The following FAM13A variants were observed in gnomAD, a reference collection of about 807,000 sequenced individuals.
The protein encoded by FAM13A is protein FAM13A.
Under a neutral mutation model 129.6 loss-of-function variants are expected in FAM13A, and 76 were observed. That is an observed-to-expected ratio of 0.59 (90% CI 0.49 to 0.71). The LOEUF (loss-of-function observed/expected upper bound fraction) is 0.71, where lower values mean the gene tolerates loss of function less well. FAM13A is among the 30% of genes least tolerant of loss of function. The pLI, the probability that FAM13A is intolerant of heterozygous loss-of-function variation, is 0.00. For missense variants in FAM13A, 1,108 were observed against 1,249.3 expected (o/e 0.89, Z 1.70); for synonymous variants, 443 against 449.9 (o/e 0.98, Z 0.20).
intron 1 of FAM13A, among the ~76,000 whole-genome samples, chr4:89,030,965 A>C (rs546155311): frequency 4.0e-4 from 61 of 152,272 alleles, no homozygotes; most frequent in African/African-American, 1.4e-3. Flanking sequence ...TTTGAAAGCC[A>C]TATTTCTCCA....
rs1560817128 is a variant in FAM13A, at chr4:88,728,490, ACT to A, written c.*41_*42del. 6 of 1,612,338 alleles carry A rather than the reference ACT, an allele frequency of 3.7e-6. No homozygotes were observed. In the Middle Eastern group the frequency reaches 5.6e-4, roughly 152 times the overall value. On this transcript the variant is annotated 3_prime_UTR_variant, in exon 24 of 24. Coordinates refer to ENST00000264344, the MANE Select transcript of FAM13A (RefSeq NM_014883.4). ...GCTGCACTTTCTCTGGGGACAGTAA[ACT>A]CTCACCGCAGCTGCCAGCCCCCTGT...
intron 4 of FAM13A, among the ~76,000 whole-genome samples, chr4:88,984,429 C>T (rs766641220): frequency 1.8e-4 from 28 of 152,022 alleles, no homozygotes; most frequent in Non-Finnish European, 3.8e-4. Flanking sequence ...ATATAAACAA[C>T]TCTTATAACT....
intron 5 of FAM13A, among the ~76,000 whole-genome samples, chr4:88,912,132 G>A (rs957137359): frequency 2.0e-5 from 3 of 152,212 alleles, no homozygotes; most frequent in African/African-American, 7.2e-5. Context: ...ACTAAATGAA[G>A]AGATGTCCAA....
intron 6 of FAM13A, among the ~76,000 whole-genome samples, chr4:88,897,999 T>C (rs529018623): frequency 6.6e-6 from 1 of 152,248 alleles, no homozygotes; most frequent in African/African-American, 2.4e-5. Flanking sequence ...AAGTAATTTC[T>C]CTATGGAATT....
chr4:88,825,014 T>C (rs889819798), intron 7 of FAM13A, among the ~76,000 whole-genome samples: 2 of 152,072 alleles, frequency 1.3e-5, no homozygotes, highest in African/African-American at 4.8e-5. Context: ...AAATAGCTGC[T>C]TGAGGTAGAA....
intron 6 of FAM13A, among the ~76,000 whole-genome samples, chr4:88,863,103 G>A (rs1739777996): frequency 6.6e-6 from 1 of 151,988 alleles, no homozygotes; most frequent in African/African-American, 2.4e-5. Context: ...ATATTAATGA[G>A]ATGATTTGAG....
At chr4:89,028,855 A>C (rs1327415512) in intron 2 of FAM13A, among the ~76,000 whole-genome samples, 1 of 152,184 alleles carries the variant, frequency 6.6e-6, no homozygotes, top group Non-Finnish European at 1.5e-5. Context: ...GAAATCATCA[A>C]AAAGCTGTGG....
chr4:89,029,781 A>T (rs1382161316), intron 1 of FAM13A, 132 bp from the exon 2 acceptor site: 2 of 752,480 alleles, frequency 2.7e-6, no homozygotes, highest in Non-Finnish European at 4.4e-6. Context: ...CTTCAACTCA[A>T]ATCAAAATCT....
At chr4:88,858,932 T>C (rs1358490221) in intron 6 of FAM13A, among the ~76,000 whole-genome samples, 1 of 152,222 alleles carries the variant, frequency 6.6e-6, no homozygotes, top group African/African-American at 2.4e-5. Flanking sequence ...AGATCAAGTG[T>C]GTCAAATGCC....
At chr4:88,965,903 G>A (rs1226980739) in intron 4 of FAM13A, among the ~76,000 whole-genome samples, 2 of 151,142 alleles carry the variant, frequency 1.3e-5, no homozygotes, top group South Asian at 2.1e-4. Context: ...TCCTTTTTGA[G>A]GCTGAATAAT....
intron 3 of FAM13A, among the ~76,000 whole-genome samples, chr4:89,017,122 G>A (rs1039313453): frequency 6.6e-6 from 1 of 152,114 alleles, no homozygotes; most frequent in Non-Finnish European, 1.5e-5. Context: ...ACTGTATGAT[G>A]TTCACACAAC....
intron 7 of FAM13A, among the ~76,000 whole-genome samples, chr4:88,830,894 A>C (rs1003905587): frequency 1.3e-5 from 2 of 152,198 alleles, no homozygotes; most frequent in African/African-American, 4.8e-5. Context: ...AACATTCCCC[A>C]AAAAGATTAA....
chr4:88,941,264 G>T (rs376953991), intron 4 of FAM13A, among the ~76,000 whole-genome samples: 4 of 152,332 alleles, frequency 2.6e-5, no homozygotes, highest in East Asian at 3.9e-4. Context: ...AGGAGCTTCA[G>T]TTGGAATGAA....
intron 7 of FAM13A, among the ~76,000 whole-genome samples, chr4:88,840,722 T>G (rs1216144712): frequency 6.6e-6 from 1 of 152,178 alleles, no homozygotes; most frequent in East Asian, 1.9e-4. Flanking sequence ...ACTGTGCTAT[T>G]ATATTTTGTA....
Position 89,027,090 on chromosome 4 carries a change from G to A in FAM13A, c.217+2370C>T, listed in dbSNP as rs564903455. Reference sequence around the variant, plus strand: ...ATATGTTCCAAGACTGCCAGTGGATGCCTGAAACCTTGGATAGTACCAAAC... The same window carrying A: ...ATATGTTCCAAGACTGCCAGTGGATACCTGAAACCTTGGATAGTACCAAAC... On this transcript the variant is annotated intron_variant, in intron 2 of 23. Coordinates refer to ENST00000264344, the MANE Select transcript of FAM13A (RefSeq NM_014883.4). Among the ~76,000 whole-genome samples the A allele has an allele frequency of 3.3e-5, 5 of 152,322 alleles. No homozygotes were observed. In the South Asian group the frequency reaches 1.0e-3, roughly 32 times the overall value.
rs1465889376 is a variant in FAM13A at position 88,726,253 on chromosome 4, A to G, written c.*2280T>C. The G allele has an allele frequency of 6.6e-6, 1 of 152,108 alleles. No individual in the cohort carries two copies. Among genetic ancestry groups the G allele is most frequent in the African/African-American group, 2.4e-5 (1 of 41,404 alleles). 9.4% of individuals were successfully genotyped at this position (152,108 alleles called of 1,614,324 possible). ...TTTCTTCAAATAAGATCTAGTGTGA[A>G]AAGGGCTTCCTCTCATTTCTTCTGG... On this transcript the variant is annotated 3_prime_UTR_variant, in exon 24 of 24. Transcript: ENST00000264344.
intron 7 of FAM13A, among the ~76,000 whole-genome samples, chr4:88,847,353 T>G (rs1736810334): frequency 6.6e-6 from 1 of 152,164 alleles, no homozygotes; most frequent in Non-Finnish European, 1.5e-5. Context: ...ATTGCACCAC[T>G]GCACTCTAGC....
chr4:88,872,262 T>C (rs997371061), intron 6 of FAM13A, among the ~76,000 whole-genome samples: 3 of 152,100 alleles, frequency 2.0e-5, no homozygotes, highest in Admixed American at 1.3e-4. Flanking sequence ...CCAGCTAACA[T>C]CATAATGACA....
intron 4 of FAM13A, among the ~76,000 whole-genome samples, chr4:88,980,828 T>A (rs1488858257): frequency 6.6e-6 from 1 of 152,224 alleles, no homozygotes; most frequent in African/African-American, 2.4e-5. Context: ...TGGTTATACA[T>A]CATGTTCGTG....
Sources: gnomAD v4.1 joint callset for allele counts (sites outside exome capture counted in the v4.1 genomes callset) on GRCh38, gnomAD v4.1.1 for gene constraint, MANE v1.5 for transcripts, NCBI Gene and HGNC (gene_info 2026-07-23, HGNC 2026-07-21) for gene names.